Variants in CPQ observed in about 807,000 individuals in gnomAD.
CPQ encodes Ser-Met dipeptidase.
CPQ carries 37 observed loss-of-function variants against 45.7 expected under a neutral mutation model. The ratio of observed to expected loss-of-function variants is 0.81; its 90% CI spans 0.62 to 1.07. The LOEUF (loss-of-function observed/expected upper bound fraction) is 1.07. Ranked by LOEUF, CPQ falls within the 50% of genes least tolerant of loss-of-function variation. The pLI is 0.00. For missense variants in CPQ, 537 were observed against 572.9 expected (o/e 0.94, Z 0.64); for synonymous variants, 186 against 205.8 (o/e 0.90, Z 0.82).
chr8:96,725,328 A>G (rs1473759645), intron 1 of CPQ, among the ~76,000 whole-genome samples: 9 of 152,236 alleles, frequency 5.9e-5, no homozygotes, highest in Non-Finnish European at 5.9e-5. Context: ...TTCATAAACT[A>G]TGTATCCAAC....
chr8:96,698,746 A>T (rs1054797043), intron 1 of CPQ, among the ~76,000 whole-genome samples: 5 of 152,182 alleles, frequency 3.3e-5, no homozygotes, highest in African/African-American at 1.2e-4. Context: ...AACATCACTG[A>T]TCATCACAAT....
intron 1 of CPQ, among the ~76,000 whole-genome samples, chr8:96,705,135 A>C (rs1332614115): frequency 6.6e-6 from 1 of 152,190 alleles, no homozygotes; most frequent in Non-Finnish European, 1.5e-5. Flanking sequence ...AAACTAAACT[A>C]TCTATGCTTA....
At chr8:96,862,203 G>A (rs976497411) in intron 3 of CPQ, among the ~76,000 whole-genome samples, 3 of 151,860 alleles carry the variant, frequency 2.0e-5, no homozygotes, top group Admixed American at 6.6e-5. Context: ...ATGCATACGG[G>A]ACCATGCCTA....
At position 96,667,478 on chromosome 8, in the gene CPQ, A is replaced by C. The variant is rs1413392510; in HGVS notation, c.-35+22076A>C. On this transcript the variant is annotated intron_variant, in intron 1 of 7. Coordinates refer to ENST00000220763, the MANE Select transcript of CPQ (RefSeq NM_016134.4). Reference sequence around the variant, plus strand: ...ATTCTGCTGCCTCAGCCTCCCATGTAGCTGGGATTACAGGTGTGTGCCACC... The same window carrying C: ...ATTCTGCTGCCTCAGCCTCCCATGTCGCTGGGATTACAGGTGTGTGCCACC... Among the ~76,000 whole-genome samples the C allele has an allele frequency of 3.3e-5, 5 of 151,056 alleles. No individual in the cohort carries two copies. The East Asian group carries it at 9.8e-4, about 30-fold the overall frequency.
At chr8:97,024,904 C>T (rs1480524992) in intron 5 of CPQ, among the ~76,000 whole-genome samples, 1 of 152,114 alleles carries the variant, frequency 6.6e-6, no homozygotes, top group Non-Finnish European at 1.5e-5. Context: ...ATATTTACTG[C>T]AGAAGGAAGT....
intron 1 of CPQ, among the ~76,000 whole-genome samples, chr8:96,767,934 G>A (rs1457983668): frequency 2.0e-5 from 3 of 151,880 alleles, no homozygotes; most frequent in Non-Finnish European, 4.4e-5. Flanking sequence ...GTGAGCCACC[G>A]TGCCCGGCCC....
chr8:96,901,126 C>T (rs1038329725), intron 4 of CPQ, among the ~76,000 whole-genome samples: 2 of 152,108 alleles, frequency 1.3e-5, no homozygotes, highest in Non-Finnish European at 2.9e-5. Context: ...TGGCAGAGAG[C>T]CACTCATCCA....
intron 7 of CPQ, among the ~76,000 whole-genome samples, chr8:97,112,145 ATTTTTATTTTT>A (rs924016713): frequency 2.8e-5 from 4 of 144,424 alleles, no homozygotes; most frequent in Admixed American, 7.0e-5. Context: ...ATTTTTTATT[ATTTTTATTTTT>A]TTTTTATTTT....
At chr8:96,768,372 C>G (rs976523070) in intron 1 of CPQ, among the ~76,000 whole-genome samples, 4 of 151,786 alleles carry the variant, frequency 2.6e-5, no homozygotes, top group Admixed American at 6.6e-5. Context: ...CTTGACGCCA[C>G]GGAGAGCTGC....
Position 96,879,831 on chromosome 8 carries a change from C to A in CPQ, c.675C>A (p.Gly225=), listed in dbSNP as rs61741750. The change falls in exon 4 of 8, where the codon GGC becomes GGA. Residue 225 remains glycine (G), a synonymous_variant. Coordinates refer to ENST00000220763, the MANE Select transcript of CPQ (RefSeq NM_016134.4). ...PHTGIQEYQD[G]VPKIPTACIT... is the part of the protein sequence containing the mutation. The stretch of plus-strand genomic sequence containing the variant: ...CAGGTATTCAGGAATACCAGGATGG[C>A]GTGCCCAAGATTCCAACAGCCTGTA... The A allele has an allele frequency of 6.2e-7, 1 of 1,613,922 alleles. No homozygotes were observed. The highest frequency in any genetic ancestry group is 8.5e-7 in the Non-Finnish European group (1 of 1,179,938).
chr8:96,896,359 C>A (rs148978139), intron 4 of CPQ, among the ~76,000 whole-genome samples: 61 of 152,182 alleles, frequency 4.0e-4, no homozygotes, highest in African/African-American at 1.3e-3. Flanking sequence ...AGCTTTAAAT[C>A]TACAAGATGA....
chr8:97,020,340 A>G (rs1162860963), intron 5 of CPQ, among the ~76,000 whole-genome samples: 1 of 152,114 alleles, frequency 6.6e-6, no homozygotes, highest in East Asian at 1.9e-4. Flanking sequence ...AAAACAAACC[A>G]AACCCAAACC....
At chr8:96,900,362 A>G (rs1163543117) in intron 4 of CPQ, among the ~76,000 whole-genome samples, 1 of 152,116 alleles carries the variant, frequency 6.6e-6, no homozygotes, top group Non-Finnish European at 1.5e-5. Context: ...TTGGAAAGCC[A>G]TTTTCTGTTT....
chr8:96,668,885 C>A (rs1192887677), intron 1 of CPQ, among the ~76,000 whole-genome samples: 3 of 151,568 alleles, frequency 2.0e-5, no homozygotes, highest in African/African-American at 7.3e-5. Context: ...AAAAAAAAAT[C>A]TCCAGCAAAA....
chr8:96,825,687 G>C (rs1023562405), intron 2 of CPQ, among the ~76,000 whole-genome samples: 5 of 151,922 alleles, frequency 3.3e-5, no homozygotes, highest in African/African-American at 1.2e-4. Flanking sequence ...GACAAATTAT[G>C]TTGTATTGAA....
chr8:96,737,082 G>C (rs1809992532), intron 1 of CPQ, among the ~76,000 whole-genome samples: 1 of 151,400 alleles, frequency 6.6e-6, no homozygotes, highest in African/African-American at 2.4e-5. Context: ...TTTCCTTCTA[G>C]TCTATCTTTG....
intron 5 of CPQ, among the ~76,000 whole-genome samples, chr8:97,002,460 C>T (rs1486816188): frequency 6.6e-6 from 1 of 152,080 alleles, no homozygotes; most frequent in Non-Finnish European, 1.5e-5. Flanking sequence ...TGGTACGTTG[C>T]ATCTTTGTTC....
intron 4 of CPQ, among the ~76,000 whole-genome samples, chr8:96,936,672 G>A (rs953796871): frequency 2.6e-5 from 4 of 152,114 alleles, no homozygotes; most frequent in South Asian, 2.1e-4. Context: ...GGAGATATTT[G>A]GAAAGTATAT....
intron 5 of CPQ, among the ~76,000 whole-genome samples, chr8:96,975,307 C>A (rs920893174): frequency 4.1e-5 from 5 of 123,088 alleles, no homozygotes; most frequent in Admixed American, 7.9e-5. Context: ...GATACAGAAT[C>A]TCTGAACAGG....
Sources: gnomAD v4.1 joint callset for allele counts (sites outside exome capture counted in the v4.1 genomes callset) on GRCh38, gnomAD v4.1.1 for gene constraint, MANE v1.5 for transcripts, NCBI Gene and HGNC (gene_info 2026-07-23, HGNC 2026-07-21) for gene names.